The following PALLD variants were observed in gnomAD, a reference collection of about 807,000 sequenced individuals.
The protein encoded by PALLD is palladin.
Under a neutral mutation model 123.5 loss-of-function variants are expected in PALLD, and 61 were observed. The ratio of observed to expected loss-of-function variants is 0.49; its 90% CI spans 0.40 to 0.61. PALLD has a LOEUF of 0.61. PALLD is among the 20% of genes least tolerant of loss of function. PALLD has a pLI of 0.00. For synonymous variants in PALLD, 465 were observed against 496.4 expected, an observed-to-expected ratio of 0.94 and a Z score of 0.84; for missense variants, 1,273 against 1,377.0, an observed-to-expected ratio of 0.92 and a Z score of 1.20.
chr4:168,892,118 A>ATCTCT (rs1422284125), intron 11 of PALLD, among the ~76,000 whole-genome samples: 7 of 152,158 alleles, frequency 4.6e-5, no homozygotes, highest in Non-Finnish European at 8.8e-5. Flanking sequence ...TTGTTTTTTC[A>ATCTCT]TCTCTTTTGT....
At chr4:168,675,791 C>T (rs1311696268) in intron 3 of PALLD, among the ~76,000 whole-genome samples, 1 of 152,184 alleles carries the variant, frequency 6.6e-6, no homozygotes, top group East Asian at 1.9e-4. Context: ...CATGGTGGCT[C>T]ATGCCTATAA....
At chr4:168,922,352 T>C (rs1408368446) in intron 18 of PALLD, among the ~76,000 whole-genome samples, 1 of 152,206 alleles carries the variant, frequency 6.6e-6, no homozygotes, top group African/African-American at 2.4e-5. Flanking sequence ...ACCTGATCTC[T>C]TTTAAGAAAG....
chr4:168,566,266 A>G (rs1260140451), intron 2 of PALLD, among the ~76,000 whole-genome samples: 1 of 152,064 alleles, frequency 6.6e-6, no homozygotes, highest in Admixed American at 6.6e-5. Flanking sequence ...ACAGGGAGAC[A>G]TTTATCTATA....
chr4:168,503,238 G>A (rs1046911943), intron 1 of PALLD, among the ~76,000 whole-genome samples: 6 of 152,180 alleles, frequency 3.9e-5, no homozygotes, highest in African/African-American at 9.7e-5. Context: ...TGTGAGAAAC[G>A]CAATGCAAAG....
chr4:168,695,434 G>T (rs1783046884), intron 8 of PALLD, among the ~76,000 whole-genome samples: 1 of 152,204 alleles, frequency 6.6e-6, no homozygotes, highest in Non-Finnish European at 1.5e-5. Flanking sequence ...CAGGGATGCT[G>T]TAATATATTT....
At chr4:168,577,012 A>T (rs1769681807) in intron 2 of PALLD, among the ~76,000 whole-genome samples, 1 of 152,146 alleles carries the variant, frequency 6.6e-6, no homozygotes, top group South Asian at 2.1e-4. Context: ...TAAATGAAAA[A>T]CTTCAACCGA....
chr4:168,874,711 T>C (rs924356144), intron 10 of PALLD, among the ~76,000 whole-genome samples: 2 of 151,880 alleles, frequency 1.3e-5, no homozygotes, highest in Admixed American at 1.3e-4. Flanking sequence ...CCTGAAGTAG[T>C]GTAAAGAGCA....
At chr4:168,794,001 G>A (rs868529137) in intron 10 of PALLD, among the ~76,000 whole-genome samples, 2 of 152,182 alleles carry the variant, frequency 1.3e-5, no homozygotes, top group African/African-American at 4.8e-5. Context: ...CACAGGGTTG[G>A]CCTCCTCTCT....
chr4:168,618,854 A>G (rs1365830048), intron 2 of PALLD, among the ~76,000 whole-genome samples: 1 of 152,174 alleles, frequency 6.6e-6, no homozygotes, highest in Non-Finnish European at 1.5e-5. Context: ...CACTGGCGTC[A>G]CCGATTAGGT....
At chr4:168,673,581 T>C (rs889754050) in intron 3 of PALLD, among the ~76,000 whole-genome samples, 3 of 152,174 alleles carry the variant, frequency 2.0e-5, no homozygotes, top group Non-Finnish European at 2.9e-5. Context: ...TTTAAACTGA[T>C]TCATATTTTC....
intron 3 of PALLD, among the ~76,000 whole-genome samples, chr4:168,672,890 T>C (rs1171295132): frequency 6.6e-6 from 1 of 152,152 alleles, no homozygotes; most frequent in Non-Finnish European, 1.5e-5. Flanking sequence ...ATCACACATA[T>C]ACACACAGCA....
chr4:168,895,521 T>C (rs1754937461), intron 12 of PALLD, among the ~76,000 whole-genome samples: 1 of 152,256 alleles, frequency 6.6e-6, no homozygotes, highest in South Asian at 2.1e-4. Flanking sequence ...TATTATAGAC[T>C]GTAGTCTTAA....
chr4:168,763,678 A>T (rs1160922180), intron 10 of PALLD, among the ~76,000 whole-genome samples: 3 of 152,176 alleles, frequency 2.0e-5, no homozygotes, highest in African/African-American at 7.2e-5. Flanking sequence ...GTGAGTTAAG[A>T]ACCTCAGGGC....
At chr4:168,684,527 G>A (rs1364298510) in intron 5 of PALLD, among the ~76,000 whole-genome samples, 3 of 152,196 alleles carry the variant, frequency 2.0e-5, no homozygotes, top group African/African-American at 7.2e-5. Flanking sequence ...AAATGAAGAT[G>A]ATAACACTAT....
In PALLD at chr4:168,511,988, G is replaced by T; in HGVS notation, c.484G>T (p.Gly162Cys). ...VKPKTPHQRK[G>C]GPQSQLCDKA... ...GCCCAAAACGCCACATCAAAGAAAG[G>T]GTGGCCCCCAGAGCCAGCTGTGTGA... Residue 162 changes from glycine to cysteine, a missense_variant, in exon 2 of 22, where the codon GGT becomes TGT. By Grantham distance (159) the Gly-to-Cys change is radical. Coordinates refer to ENST00000505667, the MANE Select transcript of PALLD (RefSeq NM_001166108.2). 4.3e-6 allele frequency: 7 copies of T among 1,614,162 alleles called. No homozygotes were observed. The highest frequency in any genetic ancestry group is 4.2e-6 in the Non-Finnish European group (5 of 1,180,028).
intron 2 of PALLD, among the ~76,000 whole-genome samples, chr4:168,614,991 C>A (rs943734242): frequency 1.3e-5 from 2 of 152,090 alleles, no homozygotes; most frequent in Admixed American, 6.5e-5. Flanking sequence ...CAAGGGATAG[C>A]TAGAGCCAAT....
chr4:168,882,414 C>T (rs79351691), intron 10 of PALLD, among the ~76,000 whole-genome samples: 1 of 152,090 alleles, frequency 6.6e-6, no homozygotes, highest in South Asian at 2.1e-4. Flanking sequence ...AATCAGAATC[C>T]CCGAGTCAAG....
chr4:168,905,874 A>G (rs183608839), intron 15 of PALLD, among the ~76,000 whole-genome samples: 15 of 139,408 alleles, frequency 1.1e-4, no homozygotes, highest in African/African-American at 3.8e-4. Flanking sequence ...ATCTTAGCCC[A>G]CTGCAGTCTC....
chr4:168,510,643 T>C (rs1323052953), intron 1 of PALLD, among the ~76,000 whole-genome samples: 1 of 152,196 alleles, frequency 6.6e-6, no homozygotes, highest in African/African-American at 2.4e-5. Flanking sequence ...TGTTTAAAAA[T>C]TAAATATCAA....
Sources: allele counts gnomAD v4.1 joint callset (sites outside exome capture counted in the v4.1 genomes callset), GRCh38; gene constraint gnomAD v4.1.1; transcripts MANE v1.5; gene names NCBI Gene and HGNC (gene_info 2026-07-23, HGNC 2026-07-21).